THADA: variants seen among roughly 807,000 people sequenced by gnomAD.
The protein encoded by THADA is THADA armadillo repeat containing.
In THADA, 213 loss-of-function variants were observed where a neutral mutation model predicts 219.8. The ratio of observed to expected loss-of-function variants is 0.97; its 90% confidence interval spans 0.87 to 1.09. The LOEUF is 1.09. Among genes scored for constraint, THADA ranks in the 50% least tolerant of loss-of-function variants. The pLI, the probability that THADA is intolerant of heterozygous loss-of-function variation, is 0.00. For synonymous variants in THADA, 1,018 were observed against 828.9 expected (o/e 1.23, Z -3.92); for missense variants, 2,956 against 2,311.3 (o/e 1.28, Z -5.72).
intron 29 of THADA, among the ~76,000 whole-genome samples, chr2:43,363,404 T>G (rs923581551): frequency 6.6e-6 from 1 of 152,198 alleles, no homozygotes; most frequent in South Asian, 2.1e-4. Context: ...TGAAATGCTG[T>G]TATGTGATGC....
intron 28 of THADA, among the ~76,000 whole-genome samples, chr2:43,413,029 G>A (rs983669003): frequency 3.3e-5 from 5 of 152,154 alleles, no homozygotes; most frequent in African/African-American, 1.2e-4. Flanking sequence ...ACATCTTTTG[G>A]TCAGAGTTCT....
At chr2:43,395,358 C>T (rs1283872215) in intron 29 of THADA, among the ~76,000 whole-genome samples, 1 of 152,182 alleles carries the variant, frequency 6.6e-6, no homozygotes, top group East Asian at 1.9e-4. Flanking sequence ...AATTTTGAGG[C>T]AGAGCAAATG....
chr2:43,580,971 T>C (rs912425245), intron 8 of THADA, among the ~76,000 whole-genome samples: 12 of 152,118 alleles, frequency 7.9e-5, no homozygotes, highest in African/African-American at 2.9e-4. Flanking sequence ...TGTTTTTCAC[T>C]AACAAGAGCT....
At chr2:43,316,148 A>T (rs568830973) in intron 31 of THADA, among the ~76,000 whole-genome samples, 89 of 152,286 alleles carry the variant, frequency 5.8e-4, no homozygotes, top group African/African-American at 2.1e-3. Flanking sequence ...CATCCTGGTG[A>T]ATCCCTACCC....
In THADA at chr2:43,231,338, T is replaced by C. The variant is rs774564061; in HGVS notation, c.5472A>G (p.Glu1824=). The C allele has an allele frequency of 1.3e-6, 2 of 1,539,994 alleles. No homozygotes were observed. Among genetic ancestry groups the C allele is most frequent in the African/African-American group, 2.8e-5 (2 of 72,492 alleles). Residue 1824 remains glutamate (E), a synonymous_variant, in exon 38 of 38, where the codon GAA becomes GAG. Transcript: ENST00000405975. ...VACVESMHQV[E]EDYLFEKAEV... is the part of the protein sequence containing the mutation. ...CTGCTTTTTCAAACAGGTAGTCTTC[T>C]TCCACCTAAATCAGATGAAAAAGCC...
intron 28 of THADA, among the ~76,000 whole-genome samples, chr2:43,398,588 G>C (rs527637404): frequency 2.6e-5 from 4 of 152,294 alleles, no homozygotes; most frequent in Admixed American, 6.5e-5. Context: ...GGAAAAGTGA[G>C]AAGCAAGTGA....
chr2:43,453,065 T>C lies in THADA; in HGVS notation c.3837-22763A>G, dbSNP rs1281447081. ...CTGTGAACACTCAGGCTGAGACTTATTTACAAGAAAAATAAACAAACAAAC... is the reference window on the plus strand; with the variant it reads ...CTGTGAACACTCAGGCTGAGACTTACTTACAAGAAAAATAAACAAACAAAC... On this transcript the variant is annotated intron_variant, in intron 26 of 37. Coordinates refer to ENST00000405975, the MANE Select transcript of THADA (RefSeq NM_022065.5). Among the ~76,000 whole-genome samples, 3 of 152,186 alleles carry C rather than the reference T, an allele frequency of 2.0e-5. No individual in the cohort carries two copies. In the East Asian group the frequency reaches 5.8e-4, roughly 29 times the overall value.
intron 21 of THADA, among the ~76,000 whole-genome samples, chr2:43,529,865 A>G (rs1693642477): frequency 6.6e-6 from 1 of 152,228 alleles, no homozygotes; most frequent in Admixed American, 6.5e-5. Flanking sequence ...ATGGGCAAGT[A>G]TCTCAGTTTC....
chr2:43,481,127 T>C lies in THADA; in HGVS notation c.3836+4107A>G, dbSNP rs779209649. Among the ~76,000 whole-genome samples the C allele has an allele frequency of 2.0e-5, 3 of 152,188 alleles. No homozygotes were observed. In the South Asian group the frequency reaches 6.2e-4, roughly 32 times the overall value. The stretch of plus-strand genomic sequence containing the variant: ...AGAAGCCAGTCTGTCTGGAAATTGC[T>C]TCAAAATCTCTCTATAAGCACGATG... On this transcript the variant is annotated intron_variant, in intron 26 of 37. Transcript: ENST00000405975.
intron 36 of THADA, among the ~76,000 whole-genome samples, chr2:43,266,803 G>A (rs373768838): frequency 5.3e-5 from 8 of 152,218 alleles, no homozygotes; most frequent in South Asian, 2.1e-4. Context: ...GGGTAGAATC[G>A]CGACACTTAA....
At chr2:43,436,004 A>T (rs1680056235) in intron 26 of THADA, among the ~76,000 whole-genome samples, 1 of 152,066 alleles carries the variant, frequency 6.6e-6, no homozygotes, top group Admixed American at 6.6e-5. Flanking sequence ...CTATTTAGCC[A>T]CCTGGATTCT....
chr2:43,347,241 T>C (rs1039276335), intron 29 of THADA, among the ~76,000 whole-genome samples: 21 of 152,198 alleles, frequency 1.4e-4, no homozygotes, highest in African/African-American at 4.6e-4. Flanking sequence ...AAATGGCGTA[T>C]AATAATATCT....
rs529618135 is a variant in THADA at position 43,466,305 on chromosome 2, C to A, written c.3836+18929G>T. Among the ~76,000 whole-genome samples, 8 of 152,294 alleles carry A rather than the reference C, an allele frequency of 5.3e-5. No individual in the cohort carries two copies. The East Asian group carries it at 1.5e-3, about 29-fold the overall frequency. On this transcript the variant is annotated intron_variant, in intron 26 of 37. Transcript: ENST00000405975. ...TCTGAATTGAAAAAACATGTTCACA[C>A]CAACCTTTCACTACCATCATCTGTC...
intron 26 of THADA, among the ~76,000 whole-genome samples, chr2:43,468,410 T>C (rs143957458): frequency 6.6e-6 from 1 of 152,348 alleles, no homozygotes; most frequent in Non-Finnish European, 1.5e-5. Context: ...TACCATTTTC[T>C]ACTGAATAAC....
At chr2:43,493,418 C>T (rs1350494493) in intron 25 of THADA, among the ~76,000 whole-genome samples, 4 of 152,104 alleles carry the variant, frequency 2.6e-5, no homozygotes, top group Non-Finnish European at 2.9e-5. Flanking sequence ...TCGCTTGAAC[C>T]CGGGAGGCAG....
At position 43,387,524 on chromosome 2, in the gene THADA, C is replaced by T. The variant is rs186387779; in HGVS notation, c.4227+10447G>A. Among the ~76,000 whole-genome samples the T allele has an allele frequency of 1.5e-3, 223 of 150,966 alleles. 2 individuals are homozygous for T. The highest frequency in any genetic ancestry group is 5.2e-3 in the African/African-American group (208 of 40,358). On this transcript the variant is annotated intron_variant, in intron 29 of 37. Coordinates refer to ENST00000405975, the MANE Select transcript of THADA (RefSeq NM_022065.5). ...AGTATGCTGAGCCACAACTTCTGCC[C>T]GGGTCAGGAATGGTTTCTTTGGTGG...
intron 28 of THADA, among the ~76,000 whole-genome samples, chr2:43,414,982 G>T (rs1186346636): frequency 6.6e-6 from 1 of 152,204 alleles, no homozygotes; most frequent in Non-Finnish European, 1.5e-5. Flanking sequence ...ATGCTTCACT[G>T]AAAACATGAG....
chr2:43,520,087 G>C (rs1396656252), intron 22 of THADA, among the ~76,000 whole-genome samples: 5 of 152,138 alleles, frequency 3.3e-5, no homozygotes, highest in Non-Finnish European at 7.3e-5. Flanking sequence ...ACAATCCAGG[G>C]CCTAGCAAGG....
intron 2 of THADA, 124 bp downstream of exon 2, chr2:43,592,193 T>C: frequency 4.0e-6 from 4 of 1,007,294 alleles, no homozygotes; most frequent in Non-Finnish European, 5.7e-6. Context: ...AAAATTGTTT[T>C]ACATCCAAAA....
Sources: allele counts gnomAD v4.1 joint callset (sites outside exome capture counted in the v4.1 genomes callset), GRCh38; gene constraint gnomAD v4.1.1; transcripts MANE v1.5; gene names NCBI Gene and HGNC (gene_info 2026-07-23, HGNC 2026-07-21).